Variants in UBE3B observed in about 807,000 individuals in gnomAD.
The protein encoded by UBE3B is ubiquitin protein ligase E3B.
UBE3B carries 80 observed loss-of-function variants against 132.3 expected under a neutral mutation model. The ratio of observed to expected loss-of-function variants is 0.60; its 90% CI spans 0.50 to 0.73. The LOEUF (loss-of-function observed/expected upper bound fraction) is 0.73, where lower values mean the gene tolerates loss of function less well. UBE3B is among the 30% of genes least tolerant of loss of function. The pLI is 0.00. For missense variants in UBE3B, 1,196 were observed against 1,362.5 expected, an observed-to-expected ratio of 0.88 and a Z score of 1.92; for synonymous variants, 487 against 520.4, an observed-to-expected ratio of 0.94 and a Z score of 0.87.
At chr12:109,515,252 T>C (rs1283399396) in intron 18 of UBE3B, among the ~76,000 whole-genome samples, 1 of 152,104 alleles carries the variant, frequency 6.6e-6, no homozygotes, top group Non-Finnish European at 1.5e-5. Flanking sequence ...TCATTGCTTT[T>C]TTTGTTACAA....
chr12:109,501,810 A>G (rs1366208458), intron 13 of UBE3B, among the ~76,000 whole-genome samples: 1 of 150,838 alleles, frequency 6.6e-6, no homozygotes, highest in East Asian at 1.9e-4. Context: ...GTGTACTGCC[A>G]TGCCTGGCTA....
chr12:109,484,115 C>T (rs375548041), intron 4 of UBE3B, 134 bp downstream of exon 4: 7 of 974,320 alleles, frequency 7.2e-6, no homozygotes, highest in Non-Finnish European at 1.0e-5. Flanking sequence ...CTTTTGTTTT[C>T]TTGGGACCTG....
chr12:109,482,346 G>A (rs914494742), intron 2 of UBE3B, among the ~76,000 whole-genome samples: 11 of 151,974 alleles, frequency 7.2e-5, no homozygotes, highest in African/African-American at 2.7e-4. Context: ...CCCACCTTTT[G>A]GAGTCTCCAT....
At chr12:109,510,062 C>T (rs778323368) in intron 16 of UBE3B, among the ~76,000 whole-genome samples, 1 of 152,136 alleles carries the variant, frequency 6.6e-6, no homozygotes, top group Non-Finnish European at 1.5e-5. Flanking sequence ...GTCCACCTCC[C>T]GAAGTGTCTC....
the UBE3B span, among the ~76,000 whole-genome samples, chr12:109,543,290 C>T: frequency 6.6e-6 from 1 of 152,214 alleles, no homozygotes; most frequent in African/African-American, 2.4e-5. Context: ...AGATGATGTT[C>T]ACTGGAATAA....
At chr12:109,524,339 G>A (rs1882062364) in intron 22 of UBE3B, 99 bp from the exon 23 acceptor site, 19 of 1,458,908 alleles carry the variant, frequency 1.3e-5, no homozygotes, top group Non-Finnish European at 1.8e-5. Flanking sequence ...GCAGCCATGG[G>A]TGTTCCCAGC....
chr12:109,546,783 C>T, the UBE3B span, among the ~76,000 whole-genome samples: 30 of 152,320 alleles, frequency 2.0e-4, no homozygotes, highest in East Asian at 3.9e-3. Context: ...GATCTCGGCT[C>T]GCTGCAACTT....
intron 24 of UBE3B, among the ~76,000 whole-genome samples, chr12:109,527,574 A>C (rs1180803507): frequency 1.3e-5 from 2 of 152,210 alleles, no homozygotes; most frequent in Non-Finnish European, 2.9e-5. Context: ...TTTTTTATTT[A>C]GACTGTCAGA....
At chr12:109,506,777 A>G (rs1232887498) in intron 14 of UBE3B, among the ~76,000 whole-genome samples, 1 of 152,234 alleles carries the variant, frequency 6.6e-6, no homozygotes, top group Admixed American at 6.5e-5. Flanking sequence ...TCCTTAAGTA[A>G]GGAACTGCAG....
chr12:109,497,683 C>T lies in UBE3B; in HGVS notation c.714-135C>T. ...TGTCCATTTCCCCAGTGTATGTCCC[C>T]AATTTCAGCCTTCAGTTTTCTCAGA... is the stretch of plus-strand genomic sequence containing the variant. On this transcript the variant is annotated intron_variant, in intron 9 of 27. Coordinates refer to ENST00000342494, the MANE Select transcript of UBE3B (RefSeq NM_130466.4). 3.6e-6 allele frequency: 3 copies of T among 840,468 alleles called. No individual in the cohort carries two copies. The South Asian group carries it at 4.8e-5, about 14-fold the overall frequency. 52.1% of individuals were successfully genotyped at this position (840,468 alleles called of 1,614,324 possible).
intron 9 of UBE3B, among the ~76,000 whole-genome samples, chr12:109,496,550 T>A (rs1468458517): frequency 6.6e-6 from 1 of 152,224 alleles, no homozygotes; most frequent in African/African-American, 2.4e-5. Flanking sequence ...TGCCAATACT[T>A]GTTATCTGTC....
At chr12:109,547,806 A>G in the UBE3B span, among the ~76,000 whole-genome samples, 1 of 151,338 alleles carries the variant, frequency 6.6e-6, no homozygotes, top group Non-Finnish European at 1.5e-5. This position sits in a 1 kb window ranked among gnomAD's most constrained non-coding sequence, Gnocchi z 4.1. Context: ...GCAACAAGAC[A>G]ATAAATCTGA....
chr12:109,490,141 C>A, intron 8 of UBE3B, 137 bp downstream of exon 8: 1 of 933,190 alleles, frequency 1.1e-6, no homozygotes, highest in Non-Finnish European at 1.7e-6. Flanking sequence ...GCCTGCTGTC[C>A]TCTTCTTCCT....
intron 21 of UBE3B, among the ~76,000 whole-genome samples, 191 bp from the exon 22 acceptor site, chr12:109,523,782 ACTGCG>A (rs1555269614): frequency 1.3e-5 from 2 of 152,190 alleles, no homozygotes; most frequent in Non-Finnish European, 2.9e-5. Context: ...TGTCCTGACC[ACTGCG>A]CTGTCCCCAG....
At chr12:109,484,880 C>A (rs1162070551) in intron 4 of UBE3B, among the ~76,000 whole-genome samples, 3 of 152,106 alleles carry the variant, frequency 2.0e-5, no homozygotes, top group African/African-American at 7.2e-5. Context: ...CCTCAGCCTC[C>A]TCAGTAGCTG....
chr12:109,501,343 A>G (rs1386974719), intron 12 of UBE3B, 28 bp from the exon 13 acceptor site: 2 of 1,612,688 alleles, frequency 1.2e-6, no homozygotes, highest in East Asian at 2.2e-5. Context: ...TGGAACTGAC[A>G]GACCAGGTCT....
At chr12:109,480,468 T>C (rs1875179339) in intron 1 of UBE3B, among the ~76,000 whole-genome samples, 1 of 152,026 alleles carries the variant, frequency 6.6e-6, no homozygotes, top group Non-Finnish European at 1.5e-5. Flanking sequence ...CTGGGCAATA[T>C]AGCGAGACCC....
intron 21 of UBE3B, among the ~76,000 whole-genome samples, chr12:109,523,647 C>G (rs1374099075): frequency 6.6e-6 from 1 of 152,088 alleles, no homozygotes; most frequent in Non-Finnish European, 1.5e-5. Flanking sequence ...GTACTGTGCA[C>G]GTTCCATCCT....
At position 109,533,468 on chromosome 12, in the gene UBE3B, C is replaced by G; in HGVS notation, c.2925C>G (p.Phe975Leu). Residue 975 changes from phenylalanine to leucine, a missense_variant and splice_region_variant, in exon 27 of 28, where the codon TTC (phenylalanine) becomes TTG (leucine). Physicochemically the swap from Phe to Leu is conservative, Grantham distance 22. Coordinates refer to ENST00000342494, the MANE Select transcript of UBE3B (RefSeq NM_130466.4). ...TPDERAMFLKFVTSCSRPPLL... is the reference protein window; with the variant it reads ...TPDERAMFLKLVTSCSRPPLL... ...ACTGACCCTGCTTTGTGTTGCAGTT[C>G]GTGACCAGCTGCTCCAGACCCCCGC... 6.2e-7 allele frequency: 1 copy of G among 1,614,068 alleles called. No individual in the cohort carries two copies. Among genetic ancestry groups the G allele is most frequent in the Non-Finnish European group, 8.5e-7 (1 of 1,179,946 alleles).
Sources: gnomAD v4.1 joint callset for allele counts (sites outside exome capture counted in the v4.1 genomes callset) on GRCh38, gnomAD v4.1.1 for gene constraint, Gnocchi (gnomAD v3.1) non-coding constraint, MANE v1.5 for transcripts, NCBI Gene and HGNC (gene_info 2026-07-23, HGNC 2026-07-21) for gene names.